Variants in PALM2AKAP2 observed in about 807,000 individuals in gnomAD.
PALM2AKAP2 encodes PALM2 and AKAP2 fusion.
A neutral mutation model predicts 71.5 loss-of-function variants in PALM2AKAP2; 37 were observed. The ratio of observed to expected loss-of-function variants is 0.52; its 90% confidence interval spans 0.40 to 0.68. The LOEUF is 0.68. PALM2AKAP2 is among the 30% of genes least tolerant of loss of function. The pLI, the probability that PALM2AKAP2 is intolerant of heterozygous loss-of-function variation, is 0.00. For missense variants in PALM2AKAP2, 1,224 were observed against 1,191.8 expected (o/e 1.03, Z -0.40); for synonymous variants, 468 against 478.8 (o/e 0.98, Z 0.29).
chr9:110,062,910 A>G (rs1255354304), intron 1 of PALM2AKAP2, among the ~76,000 whole-genome samples: 1 of 152,126 alleles, frequency 6.6e-6, no homozygotes, highest in Non-Finnish European at 1.5e-5. Flanking sequence ...TGCCTTCCCT[A>G]TATTTTGCCC....
chr9:109,894,428 G>A (rs1194843553), intron 3 of PALM2AKAP2, among the ~76,000 whole-genome samples: 1 of 152,206 alleles, frequency 6.6e-6, no homozygotes, highest in African/African-American at 2.4e-5. Flanking sequence ...TTACAGAAAA[G>A]TGGCCAAACC....
chr9:109,896,144 C>G (rs1478375814), intron 3 of PALM2AKAP2, among the ~76,000 whole-genome samples: 1 of 152,108 alleles, frequency 6.6e-6, no homozygotes, highest in African/African-American at 2.4e-5. Flanking sequence ...GAGATCACAC[C>G]ATTGCACTCC....
intron 1 of PALM2AKAP2, among the ~76,000 whole-genome samples, chr9:109,726,189 G>A (rs1181114652): frequency 6.6e-6 from 1 of 152,150 alleles, no homozygotes; most frequent in African/African-American, 2.4e-5. Context: ...TTCCACTTGA[G>A]CATAGACATA....
At chr9:110,137,686 G>T in exon 2 of PALM2AKAP2, 1 of 1,614,132 alleles carries the variant, frequency 6.2e-7, no homozygotes, top group Middle Eastern at 1.6e-4. Flanking sequence ...TGAGGTCTCA[G>T]GATACCACAG....
At chr9:109,795,606 G>C (rs1827230862) in intron 1 of PALM2AKAP2, among the ~76,000 whole-genome samples, 1 of 152,224 alleles carries the variant, frequency 6.6e-6, no homozygotes, top group African/African-American at 2.4e-5. Flanking sequence ...CTTTGAAGCT[G>C]CATTTTAGGT....
intron 3 of PALM2AKAP2, among the ~76,000 whole-genome samples, chr9:110,156,706 C>T (rs761668618): frequency 6.6e-6 from 1 of 152,164 alleles, no homozygotes; most frequent in African/African-American, 2.4e-5. Context: ...TTGCAGGGAG[C>T]TGGTCCTTTG....
At chr9:109,918,298 C>A (rs1169494634) in intron 3 of PALM2AKAP2, among the ~76,000 whole-genome samples, 2 of 152,168 alleles carry the variant, frequency 1.3e-5, no homozygotes, top group African/African-American at 2.4e-5. Flanking sequence ...GAGTTCCTTT[C>A]TGTTTTCTTG....
At chr9:110,048,212 G>C (rs1833634276), upstream of PALM2AKAP2, among the ~76,000 whole-genome samples, 1 of 152,164 alleles carries the variant, frequency 6.6e-6, no homozygotes, top group Non-Finnish European at 1.5e-5. Flanking sequence ...CTAGGTAAGG[G>C]ACGAGGGGCT....
chr9:109,845,493 G>A (rs2131603679), intron 1 of PALM2AKAP2, among the ~76,000 whole-genome samples: 2 of 152,342 alleles, frequency 1.3e-5, no homozygotes, highest in African/African-American at 4.8e-5. Flanking sequence ...GAGGCCTCCA[G>A]TGAGCAGAGG....
intron 6 of PALM2AKAP2, among the ~76,000 whole-genome samples, chr9:110,003,606 A>G (rs1168228587): frequency 6.6e-6 from 1 of 151,996 alleles, no homozygotes; most frequent in African/African-American, 2.4e-5. Flanking sequence ...TGTCTCGTTG[A>G]TCTGTCTAAT....
At chr9:109,991,823 C>T (rs1476635210) in intron 6 of PALM2AKAP2, among the ~76,000 whole-genome samples, 1 of 152,126 alleles carries the variant, frequency 6.6e-6, no homozygotes, top group Non-Finnish European at 1.5e-5. Context: ...TCAGCTGGGA[C>T]ATAATCGCAT....
At chr9:109,653,597 G>T (rs999155642) in intron 1 of PALM2AKAP2, among the ~76,000 whole-genome samples, 1 of 152,162 alleles carries the variant, frequency 6.6e-6, no homozygotes, top group African/African-American at 2.4e-5. Flanking sequence ...ACTGCAATGT[G>T]CATATGAATC....
chr9:110,022,308 G>A (rs948082948), intron 7 of PALM2AKAP2, among the ~76,000 whole-genome samples: 3 of 152,054 alleles, frequency 2.0e-5, no homozygotes, highest in African/African-American at 4.8e-5. Context: ...CCTAGCCTGG[G>A]CAACATACTG....
chr9:109,871,775 A>G (rs1829607708), intron 2 of PALM2AKAP2, among the ~76,000 whole-genome samples: 2 of 152,270 alleles, frequency 1.3e-5, no homozygotes, highest in South Asian at 2.1e-4. Flanking sequence ...ACAAAAACTT[A>G]TAATTTTTAT....
At chr9:110,077,546 G>T (rs554954097) in intron 1 of PALM2AKAP2, among the ~76,000 whole-genome samples, 32 of 92,464 alleles carry the variant, frequency 3.5e-4, no homozygotes, top group African/African-American at 8.7e-4. Flanking sequence ...TGACTCATGG[G>T]TCAGCGGGTC....
At chr9:110,008,566 T>C (rs925866584) in intron 6 of PALM2AKAP2, among the ~76,000 whole-genome samples, 1 of 152,158 alleles carries the variant, frequency 6.6e-6, no homozygotes, top group Non-Finnish European at 1.5e-5. Flanking sequence ...GTCTCTATCA[T>C]GGGACTTGGA....
chr9:109,743,502 C>T (rs183927459), intron 1 of PALM2AKAP2, among the ~76,000 whole-genome samples: 2 of 152,222 alleles, frequency 1.3e-5, no homozygotes, highest in East Asian at 3.9e-4. Flanking sequence ...CAACCCCATA[C>T]CATGTATGAC....
At chr9:109,708,810 C>G (rs989248383) in intron 1 of PALM2AKAP2, among the ~76,000 whole-genome samples, 1 of 152,200 alleles carries the variant, frequency 6.6e-6, no homozygotes, top group South Asian at 2.1e-4. Context: ...CACTGGAAAT[C>G]CTCCAGGGAT....
intron 1 of PALM2AKAP2, among the ~76,000 whole-genome samples, chr9:109,729,745 A>T (rs374871571): frequency 6.6e-6 from 1 of 152,138 alleles, no homozygotes; most frequent in South Asian, 2.1e-4. Flanking sequence ...AGGGTTTGGT[A>T]TCTTTGAAGG....
Sources: gnomAD v4.1 joint callset for allele counts (sites outside exome capture counted in the v4.1 genomes callset) on GRCh38, gnomAD v4.1.1 for gene constraint, MANE v1.5 for transcripts, NCBI Gene and HGNC (gene_info 2026-07-23, HGNC 2026-07-21) for gene names.